Variants in MAP7 observed in about 807,000 individuals in gnomAD.
The protein encoded by MAP7 is microtubule associated protein 7.
A neutral mutation model predicts 94.8 loss-of-function variants in MAP7; 52 were observed. The ratio of observed to expected loss-of-function variants is 0.55; its 90% confidence interval spans 0.44 to 0.69. MAP7 has a LOEUF of 0.69. Ranked by LOEUF, MAP7 falls within the 30% of genes least tolerant of loss-of-function variation. MAP7 has a pLI of 0.00. For synonymous variants in MAP7, 350 were observed against 357.0 expected (o/e 0.98, Z 0.22); for missense variants, 940 against 964.6 (o/e 0.97, Z 0.34).
At chr6:136,500,281 A>G (rs1269040679) in intron 1 of MAP7, among the ~76,000 whole-genome samples, 1 of 152,234 alleles carries the variant, frequency 6.6e-6, no homozygotes, top group Non-Finnish European at 1.5e-5. Context: ...AAAATTTCAA[A>G]TTCTACAGTT....
chr6:136,505,131 A>T (rs1820988050), intron 1 of MAP7, among the ~76,000 whole-genome samples: 1 of 151,696 alleles, frequency 6.6e-6, no homozygotes. Flanking sequence ...TAAAAGACTG[A>T]GAAAGGCATA....
chr6:136,405,741 C>T (rs1486046675), intron 3 of MAP7, among the ~76,000 whole-genome samples: 2 of 152,106 alleles, frequency 1.3e-5, no homozygotes, highest in Non-Finnish European at 2.9e-5. Flanking sequence ...TTGCAGAATC[C>T]GGGTGAAAGA....
chr6:136,496,546 G>A (rs1818277234), intron 1 of MAP7, among the ~76,000 whole-genome samples: 3 of 151,778 alleles, frequency 2.0e-5, no homozygotes, highest in Admixed American at 6.6e-5. Flanking sequence ...ACCAGTACTG[G>A]TAGTCCCCTA....
chr6:136,456,812 AGAAGAAGAAG>A (rs1562422247), intron 1 of MAP7, among the ~76,000 whole-genome samples: 14 of 95,346 alleles, frequency 1.5e-4, no homozygotes, highest in Non-Finnish European at 2.0e-4. Context: ...AAGAAGAAGA[AGAAGAAGAAG>A]GAAGAAGAAG....
chr6:136,494,972 C>T (rs1817756247), intron 1 of MAP7, among the ~76,000 whole-genome samples: 1 of 152,098 alleles, frequency 6.6e-6, no homozygotes, highest in Non-Finnish European at 1.5e-5. Context: ...CAGCGTGACA[C>T]CTCATTTTAT....
chr6:136,505,678 C>A (rs1274007055), intron 1 of MAP7, among the ~76,000 whole-genome samples: 1 of 151,882 alleles, frequency 6.6e-6, no homozygotes, highest in East Asian at 1.9e-4. Flanking sequence ...ATATGAGTAC[C>A]AGACTTAATA....
chr6:136,453,497 T>G (rs1801813195), intron 1 of MAP7, among the ~76,000 whole-genome samples: 1 of 152,224 alleles, frequency 6.6e-6, no homozygotes, highest in South Asian at 2.1e-4. Context: ...TTCCGGACAA[T>G]CTAGTGAATG....
In MAP7 at chr6:136,361,193, G is replaced by A; in HGVS notation, c.1527-14C>T. On this transcript the variant is annotated splice_polypyrimidine_tract_variant and intron_variant, in intron 11 of 17. Transcript: ENST00000354570. ...TCTCTCTTTTGTCTGGAAAAAGACA[G>A]AACAAAACCAAAACCAAAGACACCT... 1 of 1,601,070 alleles carries A rather than the reference G, an allele frequency of 6.2e-7. No individual in the cohort carries two copies. The highest frequency in any genetic ancestry group is 1.1e-5 in the South Asian group (1 of 91,066).
chr6:136,386,487 G>C (rs1779223938), intron 5 of MAP7, among the ~76,000 whole-genome samples: 1 of 152,046 alleles, frequency 6.6e-6, no homozygotes, highest in South Asian at 2.1e-4. Flanking sequence ...AATTAAGCTA[G>C]GCAGCTTACC....
intron 1 of MAP7, among the ~76,000 whole-genome samples, chr6:136,469,346 T>G (rs778870020): frequency 2.0e-5 from 3 of 151,952 alleles, no homozygotes; most frequent in East Asian, 1.9e-4. Flanking sequence ...CTACTTTCTT[T>G]CTTGCTTGCT....
intron 1 of MAP7, among the ~76,000 whole-genome samples, chr6:136,456,821 AGGAAGAAGAAGAAGAAGAAGAAGAAGAG>A (rs200844199): frequency 0.043 from 2,074 of 47,786 alleles, 51 homozygotes; most frequent in Non-Finnish European, 0.046. Context: ...AAGAAGAAGA[AGGAAGAAGAAGAAGAAGAAGAAGAAGAG>A]GAAGAAGAAG....
intron 1 of MAP7, among the ~76,000 whole-genome samples, chr6:136,516,763 G>A (rs756241156): frequency 1.5e-4 from 23 of 152,180 alleles, no homozygotes; most frequent in Non-Finnish European, 1.5e-5. Context: ...ACCAAACTTA[G>A]AATAAGAAGT....
chr6:136,383,708 G>A lies in MAP7; in HGVS notation c.600C>T (p.Ser200=). ...AATTTAGTAAAGTTGCAGATGAAGA[G>A]GAGAGCCGCTTGCTAATGACGGGAT... ...YVDPVISKRL[S]SSSATLLNSP... is the part of the protein sequence containing the mutation. Residue 200 remains serine (S), a synonymous_variant, in exon 6 of 18, where the codon TCC becomes TCT. Transcript: ENST00000354570. 1 of 1,610,634 alleles carries A rather than the reference G, an allele frequency of 6.2e-7. No individual in the cohort carries two copies. Among genetic ancestry groups the A allele is most frequent in the Non-Finnish European group, 8.5e-7 (1 of 1,178,084 alleles).
chr6:136,472,680 T>C (rs1809439661), intron 1 of MAP7, among the ~76,000 whole-genome samples: 1 of 152,038 alleles, frequency 6.6e-6, no homozygotes, highest in Non-Finnish European at 1.5e-5. Flanking sequence ...AAGTCTAATA[T>C]ACCCAAAAGA....
At chr6:136,501,866 A>G (rs1241221922) in intron 1 of MAP7, among the ~76,000 whole-genome samples, 1 of 152,182 alleles carries the variant, frequency 6.6e-6, no homozygotes, top group Non-Finnish European at 1.5e-5. Flanking sequence ...CATCTGGAGT[A>G]GGAAGGGAGG....
At chr6:136,355,643 G>A (rs917889750) in intron 16 of MAP7, among the ~76,000 whole-genome samples, 12 of 152,144 alleles carry the variant, frequency 7.9e-5, no homozygotes, top group African/African-American at 1.2e-4. Context: ...GCCAAAAGCC[G>A]AGAAACAATT....
chr6:136,522,312 C>A, intron 1 of MAP7, among the ~76,000 whole-genome samples: 1 of 152,130 alleles, frequency 6.6e-6, no homozygotes, highest in South Asian at 2.1e-4. Context: ...AAACATTACA[C>A]TCCTACCGAT....
At chr6:136,456,822 G>GAAAGAAGAA (rs1554259490) in intron 1 of MAP7, among the ~76,000 whole-genome samples, 2 of 69,024 alleles carry the variant, frequency 2.9e-5, no homozygotes, top group African/African-American at 1.3e-4. Context: ...AGAAGAAGAA[G>GAAAGAAGAA]GAAGAAGAAG....
At chr6:136,428,984 C>G (rs555785391) in intron 1 of MAP7, among the ~76,000 whole-genome samples, 3 of 152,100 alleles carry the variant, frequency 2.0e-5, no homozygotes, top group Admixed American at 2.0e-4. Context: ...AAAATGTATT[C>G]TTTTTCTTTT....
Sources: allele counts gnomAD v4.1 joint callset (sites outside exome capture counted in the v4.1 genomes callset), GRCh38; gene constraint gnomAD v4.1.1; transcripts MANE v1.5; gene names NCBI Gene and HGNC (gene_info 2026-07-23, HGNC 2026-07-21).